SPMAP2L: variants seen among roughly 807,000 people sequenced by gnomAD.
SPMAP2L encodes the protein sperm microtubule associated protein 2 like.
At chr4:56,594,443 T>C in the SPMAP2L span, 1 of 1,604,956 alleles carries the variant, frequency 6.2e-7, no homozygotes. Flanking sequence ...GCAGCTTTTC[T>C]GAGAGCTTGA....
At chr4:56,539,431 A>G in the SPMAP2L span, among the ~76,000 whole-genome samples, 3 of 151,758 alleles carry the variant, frequency 2.0e-5, no homozygotes, top group Non-Finnish European at 4.4e-5. Flanking sequence ...TTACTTATTT[A>G]TTTTTTTGAG....
the SPMAP2L span, among the ~76,000 whole-genome samples, chr4:56,622,442 T>C: frequency 2.0e-5 from 3 of 152,392 alleles, no homozygotes; most frequent in East Asian, 3.9e-4. Context: ...TTTCACTCTT[T>C]ATAGGCAAAG....
At chr4:56,603,560 C>G in the SPMAP2L span, 11 of 363,252 alleles carry the variant, frequency 3.0e-5, no homozygotes, top group Non-Finnish European at 5.0e-5. Flanking sequence ...AAATGAGAGA[C>G]TGCCTCATTA....
At chr4:56,573,297 A>T in the SPMAP2L span, among the ~76,000 whole-genome samples, 1 of 152,072 alleles carries the variant, frequency 6.6e-6, no homozygotes, top group African/African-American at 2.4e-5. Context: ...TATTTTCTCC[A>T]TTTTGTAGAA....
the SPMAP2L span, among the ~76,000 whole-genome samples, chr4:56,561,938 G>T: frequency 2.0e-5 from 3 of 152,068 alleles, no homozygotes; most frequent in Admixed American, 2.0e-4. Context: ...TGGCCAGGCT[G>T]GTCTTGAACT....
At chr4:56,543,689 C>CAAATAAAT in the SPMAP2L span, among the ~76,000 whole-genome samples, 321 of 151,766 alleles carry the variant, frequency 2.1e-3, 1 homozygote, top group African/African-American at 7.3e-3. Flanking sequence ...GATTCTGTCT[C>CAAATAAAT]AAATAAATAA....
At chr4:56,566,596 A>C in the SPMAP2L span, among the ~76,000 whole-genome samples, 1 of 151,970 alleles carries the variant, frequency 6.6e-6, no homozygotes, top group Non-Finnish European at 1.5e-5. Context: ...AGAACTTTAG[A>C]ACTTATAATG....
chr4:56,585,307 AG>A, the SPMAP2L span, among the ~76,000 whole-genome samples: 1 of 152,212 alleles, frequency 6.6e-6, no homozygotes, highest in East Asian at 1.9e-4. Flanking sequence ...GAGAAGTCAT[AG>A]AAGCTTTTTG....
the SPMAP2L span, among the ~76,000 whole-genome samples, chr4:56,578,200 A>G: frequency 6.6e-6 from 1 of 152,212 alleles, no homozygotes; most frequent in Non-Finnish European, 1.5e-5. Context: ...ATGGGCATAC[A>G]ATGAATAAAT....
chr4:56,546,298 T>C, the SPMAP2L span, among the ~76,000 whole-genome samples: 1 of 152,324 alleles, frequency 6.6e-6, no homozygotes, highest in Admixed American at 6.5e-5. Flanking sequence ...TAAACTTGCC[T>C]TAGATCAGAA....
At chr4:56,553,365 A>C in the SPMAP2L span, among the ~76,000 whole-genome samples, 1 of 150,238 alleles carries the variant, frequency 6.7e-6, no homozygotes, top group East Asian at 2.0e-4. Flanking sequence ...TAATTTTTAA[A>C]TTTTTTTGTG....
At chr4:56,623,075 G>T in the SPMAP2L span, among the ~76,000 whole-genome samples, 22,333 of 152,058 alleles carry the variant, frequency 0.15, 1,972 homozygotes, top group Middle Eastern at 0.24. Context: ...GGGTCCTCCA[G>T]CTTCCTGCTG....
the SPMAP2L span, among the ~76,000 whole-genome samples, chr4:56,546,615 A>C: frequency 2.0e-5 from 3 of 152,266 alleles, no homozygotes; most frequent in South Asian, 6.2e-4. Flanking sequence ...AGATAACCTC[A>C]AAAGTGTGTT....
the SPMAP2L span, among the ~76,000 whole-genome samples, chr4:56,618,355 G>A: frequency 1.8e-3 from 281 of 152,214 alleles, 1 homozygote; most frequent in African/African-American, 5.9e-3. Context: ...CAAAAGGAGC[G>A]GACTGCAAGG....
chr4:56,580,520 T>G, the SPMAP2L span, among the ~76,000 whole-genome samples: 1 of 152,082 alleles, frequency 6.6e-6, no homozygotes, highest in Admixed American at 6.6e-5. Flanking sequence ...CTAATATAAT[T>G]AATGGTGAAA....
the SPMAP2L span, among the ~76,000 whole-genome samples, chr4:56,554,045 A>G: frequency 4.6e-3 from 682 of 149,874 alleles, 6 homozygotes; most frequent in African/African-American, 0.016. Context: ...ATTATATTCT[A>G]TTGATGTGGG....
the SPMAP2L span, among the ~76,000 whole-genome samples, chr4:56,547,065 A>T: frequency 6.6e-6 from 1 of 152,178 alleles, no homozygotes; most frequent in Non-Finnish European, 1.5e-5. Flanking sequence ...TAGGAGCCAA[A>T]TCACAAGTTC....
At chr4:56,558,558 A>C in the SPMAP2L span, among the ~76,000 whole-genome samples, 1 of 152,160 alleles carries the variant, frequency 6.6e-6, no homozygotes, top group Non-Finnish European at 1.5e-5. Flanking sequence ...TATTTTATGC[A>C]CTTGATTTCA....
At chr4:56,597,871 GT>G in the SPMAP2L span, among the ~76,000 whole-genome samples, 3 of 148,756 alleles carry the variant, frequency 2.0e-5, no homozygotes, top group Admixed American at 6.7e-5. Context: ...TGATGGTGGT[GT>G]TTTTTTTTTA....
Sources: allele counts gnomAD v4.1 joint callset (sites outside exome capture counted in the v4.1 genomes callset), GRCh38; gene constraint gnomAD v4.1.1; transcripts MANE v1.5; gene names NCBI Gene and HGNC (gene_info 2026-07-23, HGNC 2026-07-21).